SGMS1: variants seen among roughly 807,000 people sequenced by gnomAD.
The protein encoded by SGMS1 is sphingomyelin synthase 1.
In SGMS1, 13 loss-of-function variants were observed where a neutral mutation model predicts 46.2. That is an observed-to-expected ratio of 0.28 (90% CI 0.18 to 0.45). The LOEUF (loss-of-function observed/expected upper bound fraction) is 0.45. Ranked by LOEUF, SGMS1 falls within the 20% of genes least tolerant of loss-of-function variation. SGMS1 has a pLI of 1.00. For synonymous variants in SGMS1, 203 were observed against 187.8 expected (o/e 1.08, Z -0.66); for missense variants, 324 against 519.9 (o/e 0.62, Z 3.66).
At chr10:50,478,960 A>G (rs568987382) in intron 3 of SGMS1, among the ~76,000 whole-genome samples, 1 of 151,802 alleles carries the variant, frequency 6.6e-6, no homozygotes, top group South Asian at 2.1e-4. Flanking sequence ...TCTTTCTCCC[A>G]TTCAGTTTCC....
rs151093523 is a variant in SGMS1 at position 50,550,585 on chromosome 10, G to A, written c.-588-30664C>T. Among the ~76,000 whole-genome samples the A allele has an allele frequency of 9.8e-3, 1,492 of 152,126 alleles. 70 individuals are homozygous for A. The highest frequency in any genetic ancestry group is 0.084 in the Admixed American group (1,281 of 15,268). On this transcript the variant is annotated intron_variant, in intron 2 of 10. Transcript: ENST00000361781. Reference sequence around the variant, plus strand: ...GCCAGACTCCTATACTATCTATCCCGGAACCTTGACTTAAAAAGGCACACT... The same window carrying A: ...GCCAGACTCCTATACTATCTATCCCAGAACCTTGACTTAAAAAGGCACACT...
chr10:50,458,345 T>C (rs1837219840), intron 5 of SGMS1, among the ~76,000 whole-genome samples: 1 of 38,458 alleles, frequency 2.6e-5, no homozygotes, highest in Non-Finnish European at 5.7e-5. Flanking sequence ...TTCTCTTTTT[T>C]TTTTTTTTTT....
intron 2 of SGMS1, among the ~76,000 whole-genome samples, chr10:50,558,015 A>G (rs1838203000): frequency 6.6e-6 from 1 of 152,222 alleles, no homozygotes; most frequent in Non-Finnish European, 1.5e-5. Context: ...TATAATCCTC[A>G]CAGCTGCCTT....
chr10:50,340,865 A>G (rs1431014622), intron 7 of SGMS1, among the ~76,000 whole-genome samples: 2 of 152,212 alleles, frequency 1.3e-5, no homozygotes, highest in Non-Finnish European at 2.9e-5. Context: ...ATTCTTCTCT[A>G]AAAAGTAGAA....
intron 3 of SGMS1, among the ~76,000 whole-genome samples, chr10:50,501,501 G>C (rs867634460): frequency 2.6e-5 from 4 of 152,126 alleles, no homozygotes; most frequent in Non-Finnish European, 4.4e-5. Context: ...AGTTCATTAA[G>C]GAAATTAATT....
At chr10:50,345,326 C>A (rs983097280) in intron 6 of SGMS1, among the ~76,000 whole-genome samples, 1 of 152,046 alleles carries the variant, frequency 6.6e-6, no homozygotes, top group Non-Finnish European at 1.5e-5. Context: ...TGATCCAACT[C>A]CTTCATTTAT....
intron 6 of SGMS1, among the ~76,000 whole-genome samples, chr10:50,430,971 T>C (rs749498916): frequency 3.9e-5 from 6 of 152,130 alleles, no homozygotes; most frequent in Non-Finnish European, 8.8e-5. Context: ...CTAAAGACTA[T>C]ACACATAGCA....
chr10:50,602,907 T>C (rs938645100), intron 1 of SGMS1, among the ~76,000 whole-genome samples: 4 of 152,200 alleles, frequency 2.6e-5, no homozygotes, highest in Non-Finnish European at 4.4e-5. Flanking sequence ...CAGTGATCTA[T>C]TTTGTTTTTA....
intron 3 of SGMS1, among the ~76,000 whole-genome samples, chr10:50,481,866 A>C (rs1837480206): frequency 6.6e-6 from 1 of 152,196 alleles, no homozygotes; most frequent in African/African-American, 2.4e-5. Context: ...CAACATGAGA[A>C]CTTCATAGCA....
intron 3 of SGMS1, among the ~76,000 whole-genome samples, chr10:50,484,274 CA>C (rs950912334): frequency 1.3e-5 from 2 of 151,940 alleles, no homozygotes; most frequent in Admixed American, 6.5e-5. Flanking sequence ...CACCTCTATG[CA>C]AAAAAAATTT....
At chr10:50,557,122 G>A (rs1838195515) in intron 2 of SGMS1, among the ~76,000 whole-genome samples, 1 of 152,254 alleles carries the variant, frequency 6.6e-6, no homozygotes, top group Non-Finnish European at 1.5e-5. Flanking sequence ...ATGTTAACAC[G>A]ATCAGATAAT....
intron 5 of SGMS1, among the ~76,000 whole-genome samples, chr10:50,456,710 T>C (rs1164559328): frequency 3.3e-5 from 5 of 152,088 alleles, no homozygotes. Flanking sequence ...GTGAAATATT[T>C]AGGAGAAGAA....
chr10:50,445,515 T>A (rs774071424), intron 5 of SGMS1, among the ~76,000 whole-genome samples: 12 of 152,166 alleles, frequency 7.9e-5, no homozygotes, highest in African/African-American at 4.8e-5. Context: ...TTAATACTTT[T>A]ATAATTTCTT....
intron 1 of SGMS1, among the ~76,000 whole-genome samples, chr10:50,596,469 C>G (rs572338873): frequency 6.6e-6 from 1 of 152,254 alleles, no homozygotes; most frequent in Non-Finnish European, 1.5e-5. Context: ...TGAGCCACCA[C>G]GCCCAGCCCA....
chr10:50,577,607 G>T (rs1299293434), intron 2 of SGMS1, among the ~76,000 whole-genome samples: 1 of 152,128 alleles, frequency 6.6e-6, no homozygotes, highest in East Asian at 1.9e-4. Flanking sequence ...CCCCTAGATT[G>T]TTTGTGGCTT....
chr10:50,527,063 C>CAAAAAAA (rs573386594), intron 2 of SGMS1, among the ~76,000 whole-genome samples: 6 of 90,800 alleles, frequency 6.6e-5, no homozygotes, highest in African/African-American at 2.8e-4. Flanking sequence ...GACTCTGTCT[C>CAAAAAAA]AAAAAAAAAA....
intron 7 of SGMS1, among the ~76,000 whole-genome samples, chr10:50,337,506 C>T (rs764773901): frequency 6.6e-6 from 1 of 152,042 alleles, no homozygotes; most frequent in Non-Finnish European, 1.5e-5. Context: ...TAATCACAAC[C>T]ATCGAAGACA....
At chr10:50,366,353 G>C (rs1848343889) in intron 6 of SGMS1, among the ~76,000 whole-genome samples, 1 of 152,218 alleles carries the variant, frequency 6.6e-6, no homozygotes, top group South Asian at 2.1e-4. Flanking sequence ...ACTGTTGGTG[G>C]AAGTGTAAAT....
At chr10:50,544,439 A>G (rs1309083407) in intron 2 of SGMS1, among the ~76,000 whole-genome samples, 2 of 152,372 alleles carry the variant, frequency 1.3e-5, no homozygotes, top group Middle Eastern at 6.8e-3. Context: ...GGTGAAGGCA[A>G]ACAAGTTTAA....
Sources: allele counts gnomAD v4.1 joint callset (sites outside exome capture counted in the v4.1 genomes callset), GRCh38; gene constraint gnomAD v4.1.1; transcripts MANE v1.5; gene names NCBI Gene and HGNC (gene_info 2026-07-23, HGNC 2026-07-21).